CLDN23: variants seen among roughly 807,000 people sequenced by gnomAD.
CLDN23 encodes claudin 23.
A neutral mutation model predicts 1.4 loss-of-function variants in CLDN23; 3 were observed. That is an observed-to-expected ratio of 2.10 (90% CI 0.96 to 5.43). CLDN23 has a LOEUF of 5.43. Among genes scored for constraint, CLDN23 ranks in the 30% most tolerant of loss-of-function variants. The pLI is 0.02. For synonymous variants in CLDN23, 291 were observed against 209.9 expected, an observed-to-expected ratio of 1.39 and a Z score of -3.34; for missense variants, 597 against 433.5, an observed-to-expected ratio of 1.38 and a Z score of -3.35.
rs769878343 is a variant in CLDN23 at position 8,702,851 on chromosome 8, G to A, written c.453G>A (p.Pro151=). 42 of 1,605,006 alleles carry A rather than the reference G, an allele frequency of 2.6e-5. No individual in the cohort carries two copies. The East Asian group carries it at 3.6e-4, about 14-fold the overall frequency. Residue 151 remains proline (P), a synonymous_variant, in exon 1 of 1, where the codon CCG becomes CCA. Coordinates refer to ENST00000519106, the MANE Select transcript of CLDN23 (RefSeq NM_194284.3). The part of the protein sequence containing the change: ...DRDVLPAPAS[P]VTVQVSYSLV... ...ACGTGCTGCCCGCCCCGGCCAGCCC[G>A]GTCACGGTGCAGGTCAGCTACAGCC...
rs769999614 is a variant in CLDN23 at position 8,702,365 on chromosome 8, G to A, written c.-34G>A. On this transcript the variant is annotated 5_prime_UTR_variant, in exon 1 of 1. Transcript: ENST00000519106. ...AAGGCGACAGCGGAGAAGGAAGGCA[G>A]GCTGCAGGGGCGCCGTCGGCGCGGC... 1.8e-5 allele frequency: 27 copies of A among 1,481,018 alleles called. No individual in the cohort carries two copies. The highest frequency in any genetic ancestry group is 2.5e-4 in the Middle Eastern group (1 of 3,926). 91.7% of individuals were successfully genotyped at this position (1,481,018 alleles called of 1,614,324 possible).
Position 8,703,269 on chromosome 8 carries a change from G to T in CLDN23, c.871G>T (p.Asp291Tyr). ...CGACAGCTCGCTGCCCTGCGACTCC[G>T]ACCTCTAGACGCTTGTAGAGCCTGG... is the stretch of plus-strand genomic sequence containing the variant. ...PCDSSLPCDS[D>Y]L Residue 291 changes from aspartate to tyrosine, a missense_variant, in exon 1 of 1, where the codon GAC becomes TAC. Physicochemically the swap from Asp to Tyr is radical, Grantham distance 160. Transcript: ENST00000519106. The T allele has an allele frequency of 7.1e-7, 1 of 1,402,878 alleles. No individual in the cohort carries two copies. Among genetic ancestry groups the T allele is most frequent in the South Asian group, 1.7e-5 (1 of 59,814 alleles). The allele number at this position is 1,402,878 out of a possible 1,614,324, so 86.9% of individuals were successfully genotyped here. A position where few individuals can be genotyped will look rare whatever the true frequency, so the allele number is the denominator to read the frequency against.
chr8:8,702,407 G>A lies in CLDN23; in HGVS notation c.9G>A (p.Thr3=), dbSNP rs61754917. The change falls in exon 1 of 1, where the codon ACG becomes ACA. Residue 3 remains threonine, a synonymous_variant. Coordinates refer to ENST00000519106, the MANE Select transcript of CLDN23 (RefSeq NM_194284.3). MR[T]PVVMTLGMVL... ...CGGCGCGGCGGGCCGGGATGCGGAC[G>A]CCGGTGGTGATGACGCTGGGCATGG... is the stretch of plus-strand genomic sequence containing the variant. 2,246 of 1,496,292 alleles carry A rather than the reference G, an allele frequency of 1.5e-3. 34 individuals carry two copies. In the African/African-American group the frequency reaches 0.027, roughly 18 times the overall value. The allele number at this position is 1,496,292 out of a possible 1,614,324, so 92.7% of individuals were successfully genotyped here. A position where few individuals can be genotyped will look rare whatever the true frequency, so the allele number is the denominator to read the frequency against.
At position 8,702,826 on chromosome 8, in the gene CLDN23, A is replaced by T. The variant is rs1241429835; in HGVS notation, c.428A>T (p.Asp143Val). The change falls in exon 1 of 1, where the codon GAC becomes GTC. Residue 143 changes from aspartate to valine, a missense_variant. By Grantham distance (152) the Asp-to-Val change is radical. Transcript: ENST00000519106. ...SWYNHFLGDR[D>V]VLPAPASPVT... is the part of the protein sequence containing the mutation. Reference sequence around the variant, plus strand: ...TACAACCACTTCTTGGGGGACCGCGACGTGCTGCCCGCCCCGGCCAGCCCG... The same window carrying T: ...TACAACCACTTCTTGGGGGACCGCGTCGTGCTGCCCGCCCCGGCCAGCCCG... 1 of 1,608,842 alleles carries T rather than the reference A, an allele frequency of 6.2e-7. No individual in the cohort carries two copies. Among genetic ancestry groups the T allele is most frequent in the African/African-American group, 1.3e-5 (1 of 74,932 alleles).
In CLDN23 at chr8:8,702,873, A is replaced by G. The variant is rs750052175; in HGVS notation, c.475A>G (p.Ser159Gly). The change falls in exon 1 of 1, where the codon AGC (serine) becomes GGC (glycine). Residue 159 changes from serine to glycine, a missense_variant. Ser to Gly is a moderately conservative substitution (Grantham distance 56). Coordinates refer to ENST00000519106, the MANE Select transcript of CLDN23 (RefSeq NM_194284.3). Reference sequence around the variant, plus strand: ...CCCGGTCACGGTGCAGGTCAGCTACAGCCTGGTCCTGGGCTACCTGGGCAG... The same window carrying G: ...CCCGGTCACGGTGCAGGTCAGCTACGGCCTGGTCCTGGGCTACCTGGGCAG... ...ASPVTVQVSY[S>G]LVLGYLGSCL... The G allele has an allele frequency of 1.3e-5, 21 of 1,592,134 alleles. No homozygotes were observed. The highest frequency in any genetic ancestry group is 1.7e-5 in the Non-Finnish European group (20 of 1,169,442).
rs909977019 is a variant in CLDN23 at position 8,703,172 on chromosome 8, C to A, written c.774C>A (p.Thr258=). 3 of 1,521,572 alleles carry A rather than the reference C, an allele frequency of 2.0e-6. No homozygotes were observed. The highest frequency in any genetic ancestry group is 2.6e-6 in the Non-Finnish European group (3 of 1,140,248). 94.3% of individuals were successfully genotyped at this position (1,521,572 alleles called of 1,614,324 possible). The change falls in exon 1 of 1, where the codon ACC becomes ACA. Residue 258 remains threonine (T), a synonymous_variant. Coordinates refer to ENST00000519106, the MANE Select transcript of CLDN23 (RefSeq NM_194284.3). The part of the protein sequence containing the change: ...PMPRPRPKAY[T]NSVDVLDGEG... The stretch of plus-strand genomic sequence containing the variant: ...CGCGGCCGCGGCCCAAGGCCTACAC[C>A]AACTCGGTGGACGTCCTCGACGGGG...
Position 8,703,220 on chromosome 8 carries a change from TC to T in CLDN23, c.825del (p.Ser276ArgfsTer21). 6.8e-7 allele frequency: 1 copy of T among 1,463,160 alleles called. No individual in the cohort carries two copies. Among genetic ancestry groups the T allele is most frequent in the Non-Finnish European group, 9.0e-7 (1 of 1,106,078 alleles). 90.6% of individuals were successfully genotyped at this position (1,463,160 alleles called of 1,614,324 possible). On this transcript the variant is annotated frameshift_variant, in exon 1 of 1. Transcript: ENST00000519106. LOFTEE classifies it high-confidence loss of function. ...DGEGWESQDA[P>X]SCSTHPCDSS... ...GGGAGGGGTGGGAGTCCCAGGACGCTCCCTCGTGCAGCACCCACCCCTGCGA... is the reference window on the plus strand; with the variant it reads ...GGGAGGGGTGGGAGTCCCAGGACGCTCCTCGTGCAGCACCCACCCCTGCGA...
At position 8,703,105 on chromosome 8, in the gene CLDN23, A is replaced by C. The variant is rs750854534; in HGVS notation, c.707A>C (p.His236Pro). 6 of 1,540,956 alleles carry C rather than the reference A, an allele frequency of 3.9e-6. No individual in the cohort carries two copies. Among genetic ancestry groups the C allele is most frequent in the Non-Finnish European group, 5.2e-6 (6 of 1,152,302 alleles). Residue 236 changes from histidine to proline, a missense_variant, in exon 1 of 1, where the codon CAC becomes CCC. Coordinates refer to ENST00000519106, the MANE Select transcript of CLDN23 (RefSeq NM_194284.3). ...CAGCACCGACCGCCGCCTGCCCAGC[A>C]CCGCAAGCCCAAGCCCAAGCCCAAG... ...DGQHRPPPAQ[H>P]RKPKPKPKVG...
Position 8,703,149 on chromosome 8 carries a change from C to CT in CLDN23, c.751_752insT (p.Arg251LeufsTer120). 6.5e-7 allele frequency: 1 copy of CT among 1,537,912 alleles called. No homozygotes were observed. The highest frequency in any genetic ancestry group is 8.7e-7 in the Non-Finnish European group (1 of 1,149,980). ...GCCCAAGGTCGGCTTCCCCATGCCG[C>CT]GGCCGCGGCCCAAGGCCTACACCAA... On this transcript the variant is annotated frameshift_variant, in exon 1 of 1. Transcript: ENST00000519106. LOFTEE classifies it low-confidence loss of function (END_TRUNC).
rs555084048 is a variant in CLDN23, at chr8:8,702,762, T to G, written c.364T>G (p.Phe122Val). The G allele has an allele frequency of 6.2e-7, 1 of 1,610,378 alleles. No homozygotes were observed. Among genetic ancestry groups the G allele is most frequent in the East Asian group, 2.2e-5 (1 of 44,842 alleles). ...VLAGLSGVVLFVAGLLGLIPV... is the reference protein window; with the variant it reads ...VLAGLSGVVLVVAGLLGLIPV... ...GGCAGGGCTCTCGGGCGTCGTGCTCTTCGTCGCTGGCCTCCTCGGCCTCAT... is the reference window on the plus strand; with the variant it reads ...GGCAGGGCTCTCGGGCGTCGTGCTCGTCGTCGCTGGCCTCCTCGGCCTCAT... Residue 122 changes from phenylalanine to valine, a missense_variant, in exon 1 of 1, where the codon TTC (phenylalanine) becomes GTC (valine). By Grantham distance (50) the Phe-to-Val change is conservative. Coordinates refer to ENST00000519106, the MANE Select transcript of CLDN23 (RefSeq NM_194284.3).
At position 8,702,967 on chromosome 8, in the gene CLDN23, G is replaced by C. The variant is rs757784534; in HGVS notation, c.569G>C (p.Arg190Pro). 6.4e-7 allele frequency: 1 copy of C among 1,560,382 alleles called. No homozygotes were observed. The highest frequency in any genetic ancestry group is 8.6e-7 in the Non-Finnish European group (1 of 1,158,448). Residue 190 changes from arginine (R) to proline (P), a missense_variant, in exon 1 of 1, where the codon CGC becomes CCC. By Grantham distance (103) the Arg-to-Pro change is moderately radical. Transcript: ENST00000519106. Reference protein sequence around the residue: ...SFAPWCDERCRRRRKGPSAGP... With the variant: ...SFAPWCDERCPRRRKGPSAGP... Reference sequence around the variant, plus strand: ...GCGCCCTGGTGCGACGAGCGTTGTCGCCGCCGCCGCAAGGGACCCTCCGCC... The same window carrying C: ...GCGCCCTGGTGCGACGAGCGTTGTCCCCGCCGCCGCAAGGGACCCTCCGCC...
rs77145835 is a variant in CLDN23 at position 8,703,480 on chromosome 8, G to C, written c.*203G>C. 3,881 of 453,330 alleles carry C rather than the reference G, an allele frequency of 8.6e-3. 135 individuals carry two copies. Among genetic ancestry groups the C allele is most frequent in the African/African-American group, 0.071 (3,503 of 49,424 alleles). 28.1% of individuals were successfully genotyped at this position (453,330 alleles called of 1,614,324 possible). A position where few individuals can be genotyped will look rare whatever the true frequency, so the allele number is the denominator to read the frequency against. ...TTAAAGAGTTTAGTTTTCCTCTCCA[G>C]AGGGATCAGGGTCCTCTTAGGGAGT... On this transcript the variant is annotated 3_prime_UTR_variant, in exon 1 of 1. Coordinates refer to ENST00000519106, the MANE Select transcript of CLDN23 (RefSeq NM_194284.3).
rs555145406 is a variant in CLDN23, at chr8:8,703,149, C to A, written c.751C>A (p.Arg251=). The A allele has an allele frequency of 6.5e-7, 1 of 1,537,912 alleles. No homozygotes were observed. Among genetic ancestry groups the A allele is most frequent in the Admixed American group, 1.9e-5 (1 of 51,300 alleles). Reference sequence around the variant, plus strand: ...GCCCAAGGTCGGCTTCCCCATGCCGCGGCCGCGGCCCAAGGCCTACACCAA... The same window carrying A: ...GCCCAAGGTCGGCTTCCCCATGCCGAGGCCGCGGCCCAAGGCCTACACCAA... ...PKPKVGFPMP[R]PRPKAYTNSV... is the part of the protein sequence containing the mutation. The change falls in exon 1 of 1, where the codon CGG becomes AGG. Residue 251 remains arginine (R), a synonymous_variant. Transcript: ENST00000519106.
chr8:8,702,777 C>A lies in CLDN23; in HGVS notation c.379C>A (p.Leu127Ile). ...SGVVLFVAGL[L>I]GLIPVSWYNH... ...CGTCGTGCTCTTCGTCGCTGGCCTC[C>A]TCGGCCTCATCCCGGTGTCCTGGTA... The change falls in exon 1 of 1, where the codon CTC (leucine) becomes ATC (isoleucine). Residue 127 changes from leucine (L) to isoleucine (I), a missense_variant. Physicochemically the swap from Leu to Ile is conservative, Grantham distance 5 (BLOSUM62 2). Coordinates refer to ENST00000519106, the MANE Select transcript of CLDN23 (RefSeq NM_194284.3). 1 of 1,610,848 alleles carries A rather than the reference C, an allele frequency of 6.2e-7. No individual in the cohort carries two copies. The highest frequency in any genetic ancestry group is 2.2e-5 in the East Asian group (1 of 44,850).
At position 8,702,547 on chromosome 8, in the gene CLDN23, G is replaced by C; in HGVS notation, c.149G>C (p.Trp50Ser). ...GACGTGGAGTTGTACCAGGGCCTGTGGGACATGTGTCGCGAGCAGAGCAGC... is the reference window on the plus strand; with the variant it reads ...GACGTGGAGTTGTACCAGGGCCTGTCGGACATGTGTCGCGAGCAGAGCAGC... ...PVDVELYQGLWDMCREQSSRE... is the reference protein window; with the variant it reads ...PVDVELYQGLSDMCREQSSRE... The change falls in exon 1 of 1, where the codon TGG becomes TCG. Residue 50 changes from tryptophan (W) to serine (S), a missense_variant. Physicochemically the swap from Trp to Ser is radical, Grantham distance 177. Coordinates refer to ENST00000519106, the MANE Select transcript of CLDN23 (RefSeq NM_194284.3). The C allele has an allele frequency of 2.5e-6, 4 of 1,611,824 alleles. No individual in the cohort carries two copies. The South Asian group carries it at 4.4e-5, about 18-fold the overall frequency.
rs537029988 is a variant in CLDN23, at chr8:8,703,100, C to G, written c.702C>G (p.Ala234=). ...ACGGCCAGCACCGACCGCCGCCTGCCCAGCACCGCAAGCCCAAGCCCAAGC... is the reference window on the plus strand; with the variant it reads ...ACGGCCAGCACCGACCGCCGCCTGCGCAGCACCGCAAGCCCAAGCCCAAGC... The part of the protein sequence containing the change: ...YSDGQHRPPP[A]QHRKPKPKPK... The change falls in exon 1 of 1, where the codon GCC becomes GCG. Residue 234 remains alanine (A), a synonymous_variant. Transcript: ENST00000519106. 5.1e-5 allele frequency: 79 copies of G among 1,541,340 alleles called. No individual in the cohort carries two copies. The East Asian group carries it at 1.9e-3, about 38-fold the overall frequency.
In CLDN23 at chr8:8,703,036, C is replaced by T. The variant is rs1802795726; in HGVS notation, c.638C>T (p.Pro213Leu). ...SSVSTIQVEW[P>L]EPDLAPAIKY... The stretch of plus-strand genomic sequence containing the variant: ...GTCAGCACCATCCAAGTGGAGTGGC[C>T]CGAGCCCGACCTGGCGCCCGCCATC... Residue 213 changes from proline to leucine, a missense_variant, in exon 1 of 1, where the codon CCC (proline) becomes CTC (leucine). Coordinates refer to ENST00000519106, the MANE Select transcript of CLDN23 (RefSeq NM_194284.3). The T allele has an allele frequency of 6.5e-7, 1 of 1,533,476 alleles. No individual in the cohort carries two copies. Among genetic ancestry groups the T allele is most frequent in the Non-Finnish European group, 8.7e-7 (1 of 1,145,774 alleles). 95.0% of individuals were successfully genotyped at this position (1,533,476 alleles called of 1,614,324 possible).
rs1232323173 is a variant in CLDN23 at position 8,702,779 on chromosome 8, C to T, written c.381C>T (p.Leu127=). The T allele has an allele frequency of 1.9e-6, 3 of 1,610,776 alleles. No homozygotes were observed. The highest frequency in any genetic ancestry group is 3.3e-5 in the Admixed American group (2 of 59,964). The change falls in exon 1 of 1, where the codon CTC becomes CTT. Residue 127 remains leucine (L), a synonymous_variant. Transcript: ENST00000519106. ...SGVVLFVAGL[L]GLIPVSWYNH... is the part of the protein sequence containing the mutation. ...TCGTGCTCTTCGTCGCTGGCCTCCT[C>T]GGCCTCATCCCGGTGTCCTGGTACA...
At position 8,703,065 on chromosome 8, in the gene CLDN23, T is replaced by G. The variant is rs376340716; in HGVS notation, c.667T>G (p.Tyr223Asp). Residue 223 changes from tyrosine (Y) to aspartate (D), a missense_variant, in exon 1 of 1, where the codon TAC becomes GAC. Coordinates refer to ENST00000519106, the MANE Select transcript of CLDN23 (RefSeq NM_194284.3). ...GCCCGACCTGGCGCCCGCCATCAAGTACTACAGCGACGGCCAGCACCGACC... is the reference window on the plus strand; with the variant it reads ...GCCCGACCTGGCGCCCGCCATCAAGGACTACAGCGACGGCCAGCACCGACC... ...PEPDLAPAIK[Y>D]YSDGQHRPPP... is the part of the protein sequence containing the mutation. The G allele has an allele frequency of 5.2e-6, 8 of 1,536,676 alleles. No individual in the cohort carries two copies. The highest frequency in any genetic ancestry group is 7.0e-6 in the Non-Finnish European group (8 of 1,148,596).
Sources: gnomAD v4.1 joint callset for allele counts on GRCh38, gnomAD v4.1.1 for gene constraint, MANE v1.5 for transcripts, NCBI Gene and HGNC (gene_info 2026-07-23, HGNC 2026-07-21) for gene names.